PCDHA12: variants seen among roughly 807,000 people sequenced by gnomAD.
PCDHA12 encodes protocadherin alpha-12.
Under a neutral mutation model 60.0 loss-of-function variants are expected in PCDHA12, and 44 were observed. The ratio of observed to expected loss-of-function variants is 0.73; its 90% CI spans 0.58 to 0.94. The LOEUF is 0.94. Ranked by LOEUF, PCDHA12 falls within the 40% of genes least tolerant of loss-of-function variation. PCDHA12 has a pLI of 0.00. For missense variants in PCDHA12, 1,276 were observed against 1,239.7 expected, an observed-to-expected ratio of 1.03 and a Z score of -0.44; for synonymous variants, 569 against 553.0, an observed-to-expected ratio of 1.03 and a Z score of -0.40.
chr5:140,897,037 AC>A (rs1300892291), intron 1 of PCDHA12, among the ~76,000 whole-genome samples: 1 of 152,074 alleles, frequency 6.6e-6, no homozygotes, highest in Non-Finnish European at 1.5e-5. Flanking sequence ...GACCATAGTC[AC>A]CCTATTCTGC....
chr5:140,882,059 A>C, intron 1 of PCDHA12: 1 of 799,024 alleles, frequency 1.3e-6, no homozygotes, highest in Non-Finnish European at 1.9e-6. Flanking sequence ...TTACACTTAC[A>C]CGTTCATGCG....
In PCDHA12 at chr5:140,894,570, T is replaced by G. The variant is rs558111947; in HGVS notation, c.2367+16731T>G. ...TTTACTTCTGAAAAAATTATTTTCC[T>G]TTTTTTTAATATTTTACTGAGTTTT... On this transcript the variant is annotated intron_variant, in intron 1 of 3. Coordinates refer to ENST00000398631, the MANE Select transcript of PCDHA12 (RefSeq NM_018903.4). Among the ~76,000 whole-genome samples the G allele has an allele frequency of 1.5e-4, 23 of 151,856 alleles. No individual in the cohort carries two copies. The South Asian group carries it at 4.4e-3, about 29-fold the overall frequency.
intron 1 of PCDHA12, among the ~76,000 whole-genome samples, chr5:140,915,401 A>G (rs536178543): frequency 1.3e-5 from 2 of 152,300 alleles, no homozygotes; most frequent in African/African-American, 4.8e-5. Flanking sequence ...TATTTCTTAT[A>G]GTCTTTGCAG....
chr5:140,967,012 G>A, intron 1 of PCDHA12: 1 of 1,606,776 alleles, frequency 6.2e-7, no homozygotes, highest in Non-Finnish European at 8.5e-7. Flanking sequence ...TCAACCATCT[G>A]GGTGCGCCCA....
At position 140,876,973 on chromosome 5, in the gene PCDHA12, G is replaced by A. The variant is rs2056750069; in HGVS notation, c.1501G>A (p.Glu501Lys). ...SYSLVERRVGEHALSSYVSVH... is the reference protein window; with the variant it reads ...SYSLVERRVGKHALSSYVSVH... ...CTCGCTGGTGGAGCGGCGGGTGGGC[G>A]AGCACGCACTGTCGAGCTACGTGTC... is the stretch of plus-strand genomic sequence containing the variant. The change falls in exon 1 of 4, where the codon GAG becomes AAG. Residue 501 changes from glutamate to lysine, a missense_variant. Transcript: ENST00000398631. 3 of 1,612,624 alleles carry A rather than the reference G, an allele frequency of 1.9e-6. No individual in the cohort carries two copies. The South Asian group carries it at 3.3e-5, about 18-fold the overall frequency.
At chr5:140,881,574 A>C (rs565640252) in intron 1 of PCDHA12, among the ~76,000 whole-genome samples, 22 of 152,364 alleles carry the variant, frequency 1.4e-4, no homozygotes, top group Middle Eastern at 6.8e-3. Context: ...CTACATCTCA[A>C]GTCACATTGA....
rs142949338 is a variant in PCDHA12 at position 140,927,554 on chromosome 5, T to G, written c.2367+49715T>G. On this transcript the variant is annotated intron_variant, in intron 1 of 3. Coordinates refer to ENST00000398631, the MANE Select transcript of PCDHA12 (RefSeq NM_018903.4). ...CGCTCAGGAGACGCACAAGTCACCA[T>G]CATTGTGGTGGACACAAATGACAAC... The G allele has an allele frequency of 5.6e-6, 9 of 1,614,020 alleles. No individual in the cohort carries two copies. The African/African-American group carries it at 1.1e-4, about 19-fold the overall frequency.
rs535981750 is a variant in PCDHA12 at position 140,934,094 on chromosome 5, GCTTT to G, written c.2368-44852_2368-44849del. Among the ~76,000 whole-genome samples, 58 of 151,890 alleles carry G rather than the reference GCTTT, an allele frequency of 3.8e-4. 1 individual carries two copies. The highest frequency in any genetic ancestry group is 6.8e-3 in the Middle Eastern group (2 of 292). ...TTTGGGTTCGCTTTGTTGTATGTTT[GCTTT>G]CTATTTTATTAATTTTCATACTTTA... On this transcript the variant is annotated intron_variant, in intron 1 of 3. Transcript: ENST00000398631.
intron 1 of PCDHA12, chr5:140,967,458 A>T (rs1042156831): frequency 6.2e-7 from 1 of 1,613,546 alleles, no homozygotes; most frequent in Non-Finnish European, 8.5e-7. Flanking sequence ...ACAGCCGTGG[A>T]TGGGGGCATC....
intron 1 of PCDHA12, among the ~76,000 whole-genome samples, chr5:140,907,290 G>T (rs1554192922): frequency 1.3e-5 from 2 of 152,200 alleles, no homozygotes; most frequent in East Asian, 3.8e-4. Context: ...CAATCCAGCT[G>T]CTTCAGGATG....
intron 1 of PCDHA12, among the ~76,000 whole-genome samples, chr5:140,900,156 T>G (rs1219079675): frequency 3.3e-5 from 5 of 152,180 alleles, no homozygotes; most frequent in African/African-American, 1.2e-4. Flanking sequence ...CATACGATAT[T>G]TGTCTTTCTG....
At chr5:140,889,724 T>C (rs1198530950) in intron 1 of PCDHA12, among the ~76,000 whole-genome samples, 6 of 152,216 alleles carry the variant, frequency 3.9e-5, no homozygotes, top group African/African-American at 1.4e-4. Context: ...TGCTACTGTC[T>C]CACTGAGTAG....
chr5:140,979,566 G>A (rs2096856791), intron 2 of PCDHA12, among the ~76,000 whole-genome samples: 1 of 152,194 alleles, frequency 6.6e-6, no homozygotes, highest in Non-Finnish European at 1.5e-5. Flanking sequence ...GATGAGCCAT[G>A]TAAAGGGCTC....
intron 1 of PCDHA12, among the ~76,000 whole-genome samples, chr5:140,919,580 A>G (rs1454243319): frequency 1.3e-5 from 2 of 152,194 alleles, no homozygotes; most frequent in African/African-American, 4.8e-5. Context: ...TTAGAATGTA[A>G]CATGGTAATT....
chr5:140,915,262 T>G (rs539637990), intron 1 of PCDHA12, among the ~76,000 whole-genome samples: 1 of 152,290 alleles, frequency 6.6e-6, no homozygotes, highest in Admixed American at 6.5e-5. Context: ...GTTATTATTT[T>G]TGACCAGTTC....
chr5:140,897,671 C>T (rs1329195952), intron 1 of PCDHA12, among the ~76,000 whole-genome samples: 1 of 152,066 alleles, frequency 6.6e-6, no homozygotes, highest in Non-Finnish European at 1.5e-5. Flanking sequence ...GTCTTTATAG[C>T]AGCATGATTT....
chr5:140,888,620 C>T lies in PCDHA12; in HGVS notation c.2367+10781C>T, dbSNP rs183005411. Among the ~76,000 whole-genome samples the T allele has an allele frequency of 3.4e-3, 514 of 152,264 alleles. 3 individuals are homozygous for T. The highest frequency in any genetic ancestry group is 0.014 in the Middle Eastern group (4 of 294). On this transcript the variant is annotated intron_variant, in intron 1 of 3. Coordinates refer to ENST00000398631, the MANE Select transcript of PCDHA12 (RefSeq NM_018903.4). ...AGCAGCTTTTAGTGTAGCACTAATT[C>T]GGCCTTCTATTACAGCAATACTTTC...
intron 1 of PCDHA12, among the ~76,000 whole-genome samples, chr5:140,931,209 A>G (rs1554208285): frequency 6.6e-6 from 1 of 152,184 alleles, no homozygotes; most frequent in African/African-American, 2.4e-5. Flanking sequence ...CTAGTATTTC[A>G]GGTATCAGAG....
chr5:140,894,239 A>C (rs1323710769), intron 1 of PCDHA12, among the ~76,000 whole-genome samples: 11 of 152,028 alleles, frequency 7.2e-5, no homozygotes, highest in African/African-American at 2.2e-4. Flanking sequence ...ATGACAATGT[A>C]ATTTTCTTTT....
Sources: gnomAD v4.1 joint callset for allele counts (sites outside exome capture counted in the v4.1 genomes callset) on GRCh38, gnomAD v4.1.1 for gene constraint, MANE v1.5 for transcripts, NCBI Gene and HGNC (gene_info 2026-07-23, HGNC 2026-07-21) for gene names.